PPARA: variants seen among roughly 807,000 people sequenced by gnomAD.
The protein encoded by PPARA is peroxisome proliferator-activated receptor alpha.
PPARA carries 22 observed loss-of-function variants against 42.2 expected under a neutral mutation model. The observed-to-expected ratio is 0.52, with a 90% confidence interval of 0.37 to 0.74. The LOEUF (loss-of-function observed/expected upper bound fraction) is 0.74. Among genes scored for constraint, PPARA ranks in the 30% least tolerant of loss-of-function variants. PPARA has a pLI of 0.00. For synonymous variants in PPARA, 242 were observed against 239.3 expected (o/e 1.01, Z -0.10); for missense variants, 465 against 608.2 (o/e 0.76, Z 2.48).
intron 3 of PPARA, among the ~76,000 whole-genome samples, chr22:46,194,047 G>C (rs749317077): frequency 6.6e-6 from 1 of 152,140 alleles, no homozygotes; most frequent in Non-Finnish European, 1.5e-5. Context: ...CCAGTGATGT[G>C]GGGGGAGCCC....
chr22:46,195,426 GAGAA>G lies in PPARA; in HGVS notation c.-42-2909_-42-2906del, dbSNP rs1243131072. 2.6e-5 allele frequency among the ~76,000 whole-genome samples: 4 copies of G among 152,254 alleles called. No individual in the cohort carries two copies. Among genetic ancestry groups the G allele is most frequent in the South Asian group, 4.1e-4 (2 of 4,824 alleles). On this transcript the variant is annotated intron_variant, in intron 3 of 8. Coordinates refer to ENST00000407236, the MANE Select transcript of PPARA (RefSeq NM_005036.6). The surrounding 1 kb of genome is among the most constrained non-coding windows in gnomAD (Gnocchi z 4.6). Reference sequence around the variant, plus strand: ...GCCTGACTTATGCTAGTAGGTTACAGAGAAAGAAAGTCTTCTAAACCCTATGAAA... The same window carrying G: ...GCCTGACTTATGCTAGTAGGTTACAGAGAAAGTCTTCTAAACCCTATGAAA...
rs1384373526 is a variant in PPARA, at chr22:46,160,538, C to T, written c.-127+8568C>T. ...GTCTCAAACTCCCGGCCTCATGATC[C>T]GCCCTCTGCAGCCTCCCAAAGTGCT... On this transcript the variant is annotated intron_variant, in intron 2 of 8. Transcript: ENST00000407236. The surrounding 1 kb of genome is among the most constrained non-coding windows in gnomAD (Gnocchi z 4.5). Among the ~76,000 whole-genome samples the T allele has an allele frequency of 2.6e-5, 4 of 152,096 alleles. No individual in the cohort carries two copies. The highest frequency in any genetic ancestry group is 1.9e-4 in the East Asian group (1 of 5,192).
chr22:46,198,660 T>C (rs909176447), intron 4 of PPARA, 69 bp downstream of exon 4: 164 of 682,278 alleles, frequency 2.4e-4, no homozygotes, highest in Admixed American at 7.7e-4. Flanking sequence ...TGTTCTCTCT[T>C]TTTTTTTTTT....
rs1185374462 is a variant in PPARA at position 46,225,932 on chromosome 22, C to T, written c.712-5860C>T. Among the ~76,000 whole-genome samples the T allele has an allele frequency of 6.6e-6, 1 of 152,004 alleles. No individual in the cohort carries two copies. Among genetic ancestry groups the T allele is most frequent in the Non-Finnish European group, 1.5e-5 (1 of 68,000 alleles). On this transcript the variant is annotated intron_variant, in intron 7 of 8. Transcript: ENST00000407236. This position sits in a 1 kb window ranked among gnomAD's most constrained non-coding sequence, Gnocchi z 4.1. ...GTGTGTACACACACACATGCATGCT[C>T]ACACACATGCACCCAGGCACACACA...
At position 46,151,481 on chromosome 22, in the gene PPARA, C is replaced by T. The variant is rs558154963; in HGVS notation, c.-209-407C>T. Among the ~76,000 whole-genome samples, 8 of 152,392 alleles carry T rather than the reference C, an allele frequency of 5.2e-5. No individual in the cohort carries two copies. The South Asian group carries it at 1.7e-3, about 32-fold the overall frequency. On this transcript the variant is annotated intron_variant, in intron 1 of 8. Transcript: ENST00000407236. ...GTCAGGAGGGTCGGCCCTGCCCCCT[C>T]ACGCACCCCAACCGGGCACAACTGC...
chr22:46,176,301 C>A (rs1929050878), intron 2 of PPARA, among the ~76,000 whole-genome samples: 1 of 152,152 alleles, frequency 6.6e-6, no homozygotes, highest in Admixed American at 6.5e-5. Context: ...GCCTGGCCAA[C>A]ATGGCAAAAC....
rs1199222087 is a variant in PPARA at position 46,162,768 on chromosome 22, C to T, written c.-127+10798C>T. Among the ~76,000 whole-genome samples, 2 of 152,214 alleles carry T rather than the reference C, an allele frequency of 1.3e-5. No homozygotes were observed. The highest frequency in any genetic ancestry group is 4.8e-5 in the African/African-American group (2 of 41,454). On this transcript the variant is annotated intron_variant, in intron 2 of 8. Coordinates refer to ENST00000407236, the MANE Select transcript of PPARA (RefSeq NM_005036.6). The surrounding 1 kb of genome is among the most constrained non-coding windows in gnomAD (Gnocchi z 6.0). ...TCAAGTTTTAAATGCCACCTCCTTC[C>T]TGAAGCCTTCCTTGCTGCTCCCCCA...
intron 3 of PPARA, among the ~76,000 whole-genome samples, chr22:46,177,374 A>G (rs1185146503): frequency 1.3e-5 from 2 of 150,508 alleles, no homozygotes; most frequent in Non-Finnish European, 3.0e-5. Context: ...CTGAGGCAGG[A>G]GAATGCTTGA....
chr22:46,200,004 T>A lies in PPARA; in HGVS notation c.208+1413T>A, dbSNP rs1219529164. Reference sequence around the variant, plus strand: ...TCCCAAAGTGCAGGGATCACAGGCATGAGCCACTGCACCCGGCCCAATTAA... The same window carrying A: ...TCCCAAAGTGCAGGGATCACAGGCAAGAGCCACTGCACCCGGCCCAATTAA... On this transcript the variant is annotated intron_variant, in intron 4 of 8. Transcript: ENST00000407236. The surrounding 1 kb of genome is among the most constrained non-coding windows in gnomAD (Gnocchi z 4.8). Among the ~76,000 whole-genome samples, 1 of 152,216 alleles carries A rather than the reference T, an allele frequency of 6.6e-6. No homozygotes were observed. The highest frequency in any genetic ancestry group is 1.9e-4 in the East Asian group (1 of 5,190).
chr22:46,152,839 A>G (rs767763313), intron 2 of PPARA, among the ~76,000 whole-genome samples: 3 of 152,148 alleles, frequency 2.0e-5, no homozygotes, highest in Non-Finnish European at 4.4e-5. Context: ...TAATCCCAGC[A>G]CTTTGGAAGC....
rs1936379769 is a variant in PPARA, at chr22:46,241,893, G to A, written c.*6513G>A. The A allele has an allele frequency of 6.9e-6, 1 of 145,596 alleles. No homozygotes were observed. The highest frequency in any genetic ancestry group is 2.7e-5 in the African/African-American group (1 of 37,678). The allele number at this position is 145,596 out of a possible 1,614,324, so 9.0% of individuals were successfully genotyped here. A position where few individuals can be genotyped will look rare whatever the true frequency, so the allele number is the denominator to read the frequency against. ...ACCTCAAATACTTGAGTGGTCTCAT[G>A]GCTGTTAGATGGATTATTTGAAAAA... is the stretch of plus-strand genomic sequence containing the variant. On this transcript the variant is annotated 3_prime_UTR_variant, in exon 9 of 9. Transcript: ENST00000407236. This position sits in a 1 kb window ranked among gnomAD's most constrained non-coding sequence, Gnocchi z 5.7.
At chr22:46,158,126 A>T (rs1378927281) in intron 2 of PPARA, among the ~76,000 whole-genome samples, 1 of 152,058 alleles carries the variant, frequency 6.6e-6, no homozygotes, top group African/African-American at 2.4e-5. Context: ...AGAGTGAGCG[A>T]GGCCAGGCGT....
chr22:46,179,002 G>A lies in PPARA; in HGVS notation c.-43+2166G>A, dbSNP rs1286309602. Among the ~76,000 whole-genome samples the A allele has an allele frequency of 2.0e-5, 3 of 152,218 alleles. No individual in the cohort carries two copies. In the South Asian group the frequency reaches 6.2e-4, roughly 32 times the overall value. On this transcript the variant is annotated intron_variant, in intron 3 of 8. Transcript: ENST00000407236. ...AGGTATGTACCCAGTGAGTCCAAGA[G>A]CATGGTGCTGGCATCCGGTGAGGGC...
rs775433289 is a variant in PPARA at position 46,219,798 on chromosome 22, C to G, written c.509-14C>G. 6.2e-7 allele frequency: 1 copy of G among 1,613,978 alleles called. No individual in the cohort carries two copies. Among genetic ancestry groups the G allele is most frequent in the South Asian group, 1.1e-5 (1 of 90,994 alleles). On this transcript the variant is annotated splice_polypyrimidine_tract_variant and intron_variant, in intron 6 of 8. Transcript: ENST00000407236. This position sits in a 1 kb window ranked among gnomAD's most constrained non-coding sequence, Gnocchi z 4.8. ...CTCACTGCTCATGCCTGTGTTTCCCCCTCCAAACCCTAGCGATTCGTTTTG... is the reference window on the plus strand; with the variant it reads ...CTCACTGCTCATGCCTGTGTTTCCCGCTCCAAACCCTAGCGATTCGTTTTG...
At position 46,191,926 on chromosome 22, in the gene PPARA, G is replaced by A. The variant is rs551960670; in HGVS notation, c.-42-6416G>A. Among the ~76,000 whole-genome samples the A allele has an allele frequency of 7.2e-5, 11 of 152,318 alleles. 1 individual carries two copies. Among genetic ancestry groups the A allele is most frequent in the East Asian group, 5.8e-4 (3 of 5,174 alleles). ...ACTAAAAATACAAAAGTAGCCGGGC[G>A]TGGTGGCGCACGCCCGTAGTCCCAG... On this transcript the variant is annotated intron_variant, in intron 3 of 8. Transcript: ENST00000407236. The surrounding 1 kb of genome is among the most constrained non-coding windows in gnomAD (Gnocchi z 4.6).
intron 4 of PPARA, among the ~76,000 whole-genome samples, chr22:46,202,599 G>A (rs963857267): frequency 8.5e-5 from 13 of 152,136 alleles, no homozygotes; most frequent in South Asian, 2.1e-4. Flanking sequence ...TTAGCTGGGC[G>A]TGGAGGCGTG....
rs1930367233 is a variant in PPARA, at chr22:46,184,334, C to CA, written c.-43+7499dup. 6.6e-6 allele frequency among the ~76,000 whole-genome samples: 1 copy of CA among 152,080 alleles called. No individual in the cohort carries two copies. Among genetic ancestry groups the CA allele is most frequent in the African/African-American group, 2.4e-5 (1 of 41,408 alleles). On this transcript the variant is annotated intron_variant, in intron 3 of 8. Transcript: ENST00000407236. This position sits in a 1 kb window ranked among gnomAD's most constrained non-coding sequence, Gnocchi z 4.4. ...AGAAACCATGTTCACCAATAATTAC[C>CA]ATAATAGGAGAGAAGTACCAAGTAC...
In PPARA at chr22:46,203,416, T is replaced by C. The variant is rs1387144786; in HGVS notation, c.208+4825T>C. ...CTCTGCTTTTTCTTCCCGGCTTTAT[T>C]GCCATAATTGACATACAATAAACTG... is the stretch of plus-strand genomic sequence containing the variant. On this transcript the variant is annotated intron_variant, in intron 4 of 8. Transcript: ENST00000407236. The surrounding 1 kb of genome is among the most constrained non-coding windows in gnomAD (Gnocchi z 5.8). Among the ~76,000 whole-genome samples the C allele has an allele frequency of 6.6e-6, 1 of 152,176 alleles. No homozygotes were observed. Among genetic ancestry groups the C allele is most frequent in the Non-Finnish European group, 1.5e-5 (1 of 68,036 alleles).
chr22:46,210,838 C>A (rs1933859997), intron 4 of PPARA, among the ~76,000 whole-genome samples: 1 of 152,134 alleles, frequency 6.6e-6, no homozygotes, highest in South Asian at 2.1e-4. Flanking sequence ...TTCTGGGATG[C>A]AATTAAGTTA....
Sources: gnomAD v4.1 joint callset for allele counts (sites outside exome capture counted in the v4.1 genomes callset) on GRCh38, gnomAD v4.1.1 for gene constraint, Gnocchi (gnomAD v3.1) non-coding constraint, MANE v1.5 for transcripts, NCBI Gene and HGNC (gene_info 2026-07-23, HGNC 2026-07-21) for gene names.